PCDHGA2: variants seen among roughly 807,000 people sequenced by gnomAD.
The protein encoded by PCDHGA2 is protocadherin gamma-A2.
PCDHGA2 carries 40 observed loss-of-function variants against 59.2 expected under a neutral mutation model. The ratio of observed to expected loss-of-function variants is 0.68; its 90% CI spans 0.52 to 0.88. The LOEUF (loss-of-function observed/expected upper bound fraction) is 0.88. Among genes scored for constraint, PCDHGA2 ranks in the 40% least tolerant of loss-of-function variants. PCDHGA2 has a pLI of 0.00. For missense variants in PCDHGA2, 1,226 were observed against 1,204.0 expected (o/e 1.02, Z -0.27); for synonymous variants, 560 against 526.0 (o/e 1.06, Z -0.89).
rs1389354782 is a variant in PCDHGA2, at chr5:141,341,025, A to G, written c.2054A>G (p.Asn685Ser). The G allele has an allele frequency of 2.2e-5, 36 of 1,613,234 alleles. No homozygotes were observed. The highest frequency in any genetic ancestry group is 3.0e-5 in the Non-Finnish European group (35 of 1,179,824). ...AGCCTCGAGCCCTCCGCCATACCCA[A>G]CGATTCGGACCTCACTCTGTACCTG... ...LGSLEPSAIP[N>S]DSDLTLYLVV... The change falls in exon 1 of 4, where the codon AAC becomes AGC. Residue 685 changes from asparagine (N) to serine (S), a missense_variant. By Grantham distance (46) the Asn-to-Ser change is conservative. Coordinates refer to ENST00000394576, the MANE Select transcript of PCDHGA2 (RefSeq NM_018915.4).
In PCDHGA2 at chr5:141,506,176, C is replaced by T. The variant is rs183157987; in HGVS notation, c.2572+695C>T. ...CCTTAAGAGCACAGCCTAAGCTGGG[C>T]GTGGTGGCTCACGCCTGTAATCCCA... is the stretch of plus-strand genomic sequence containing the variant. On this transcript the variant is annotated intron_variant, in intron 3 of 3. Coordinates refer to ENST00000394576, the MANE Select transcript of PCDHGA2 (RefSeq NM_018915.4). Among the ~76,000 whole-genome samples the T allele has an allele frequency of 3.0e-3, 454 of 152,234 alleles. 1 individual carries two copies. The highest frequency in any genetic ancestry group is 0.021 in the Admixed American group (317 of 15,296).
At chr5:141,478,766 T>C in intron 1 of PCDHGA2, 2 of 1,505,456 alleles carry the variant, frequency 1.3e-6, no homozygotes, top group Non-Finnish European at 1.8e-6. Flanking sequence ...GATACTTGAC[T>C]CATCTGTGGA....
rs200519543 is a variant in PCDHGA2, at chr5:141,439,190, C to CAA, written c.2425-55603_2425-55602dup. 3.7e-3 allele frequency among the ~76,000 whole-genome samples: 409 copies of CAA among 111,790 alleles called. 4 individuals are homozygous for CAA. The highest frequency in any genetic ancestry group is 0.029 in the East Asian group (112 of 3,852). The allele number at this position is 111,790 out of a possible 152,430, so 73.3% of individuals were successfully genotyped here. A position where few individuals can be genotyped will look rare whatever the true frequency, so the allele number is the denominator to read the frequency against. On this transcript the variant is annotated intron_variant, in intron 1 of 3. Transcript: ENST00000394576. Reference sequence around the variant, plus strand: ...CCTGGGCGACATAGTGAGACTCTGACAAAAAAAAAAAAAAATCCATATGTG... The same window carrying CAA: ...CCTGGGCGACATAGTGAGACTCTGACAAAAAAAAAAAAAAAAATCCATATGTG...
chr5:141,383,433 C>T, intron 1 of PCDHGA2: 1 of 1,613,986 alleles, frequency 6.2e-7, no homozygotes, highest in East Asian at 2.2e-5. Context: ...ATCGCCACTT[C>T]TCCCTGGCTG....
At chr5:141,398,284 G>A (rs1462851627) in intron 1 of PCDHGA2, 1 of 1,400,106 alleles carries the variant, frequency 7.1e-7, no homozygotes, top group Non-Finnish European at 9.8e-7. Flanking sequence ...CCTCGCCACG[G>A]ACCTGGGGTT....
chr5:141,360,008 C>G, intron 1 of PCDHGA2: 1 of 1,210,692 alleles, frequency 8.3e-7, no homozygotes, highest in Non-Finnish European at 1.1e-6. Context: ...ACAAACCAAC[C>G]ACACAGAGAA....
chr5:141,492,579 G>T (rs547852117), intron 1 of PCDHGA2, among the ~76,000 whole-genome samples: 2 of 152,356 alleles, frequency 1.3e-5, no homozygotes, highest in East Asian at 1.9e-4. Context: ...GAGGCGCGGG[G>T]CCAGGAGCGC....
At chr5:141,379,256 A>C (rs896314996) in intron 1 of PCDHGA2, 1 of 152,234 alleles carries the variant, frequency 6.6e-6, no homozygotes, top group Non-Finnish European at 1.5e-5. Flanking sequence ...ATTTACATTT[A>C]AGGAATTGTT....
intron 1 of PCDHGA2, chr5:141,397,927 G>C: frequency 1.3e-6 from 1 of 764,054 alleles, no homozygotes. Flanking sequence ...TCCTCGCGCA[G>C]CCGCAGCGCG....
chr5:141,389,281 G>A (rs768749414), intron 1 of PCDHGA2: 3 of 1,614,012 alleles, frequency 1.9e-6, no homozygotes, highest in South Asian at 2.2e-5. Context: ...AACCCGCCTG[G>A]AGCCTCTATT....
chr5:141,375,962 C>T (rs763635174), intron 1 of PCDHGA2: 3 of 1,613,226 alleles, frequency 1.9e-6, no homozygotes, highest in African/African-American at 2.7e-5. Flanking sequence ...GGGCGAGGTG[C>T]GCACGGCGCG....
At chr5:141,395,131 C>G in intron 1 of PCDHGA2, 1 of 1,614,202 alleles carries the variant, frequency 6.2e-7, no homozygotes, top group Non-Finnish European at 8.5e-7. Flanking sequence ...TTTCCCCAGC[C>G]CAACTACGCA....
chr5:141,422,165 A>G (rs771382434), intron 1 of PCDHGA2: 3 of 1,569,306 alleles, frequency 1.9e-6, no homozygotes, highest in Admixed American at 4.0e-5. Flanking sequence ...TTTGAAAAAT[A>G]TAGATTCTAT....
At position 141,430,830 on chromosome 5, in the gene PCDHGA2, G is replaced by A. The variant is rs754181300; in HGVS notation, c.2425-63977G>A. The stretch of plus-strand genomic sequence containing the variant: ...CTGGGAATCCTCCTGGGGACTCTGT[G>A]GGAGACCGGATGCACCCAGATACGC... On this transcript the variant is annotated intron_variant, in intron 1 of 3. Coordinates refer to ENST00000394576, the MANE Select transcript of PCDHGA2 (RefSeq NM_018915.4). 8 of 1,554,850 alleles carry A rather than the reference G, an allele frequency of 5.1e-6. No homozygotes were observed. The East Asian group carries it at 1.6e-4, about 31-fold the overall frequency.
chr5:141,393,543 C>T lies in PCDHGA2; in HGVS notation c.2424+52148C>T, dbSNP rs763455922. On this transcript the variant is annotated intron_variant, in intron 1 of 3. Coordinates refer to ENST00000394576, the MANE Select transcript of PCDHGA2 (RefSeq NM_018915.4). ...AAATGACAATGCCCCGGTTTTTCCT[C>T]ACCCGATTTACCGAGTGAAAGTCCT... is the stretch of plus-strand genomic sequence containing the variant. 7 of 1,613,870 alleles carry T rather than the reference C, an allele frequency of 4.3e-6. No individual in the cohort carries two copies. In the Admixed American group the frequency reaches 8.3e-5, roughly 19 times the overall value.
At chr5:141,494,522 G>C (rs2099754911) in intron 1 of PCDHGA2, among the ~76,000 whole-genome samples, 1 of 152,196 alleles carries the variant, frequency 6.6e-6, no homozygotes, top group Non-Finnish European at 1.5e-5. Flanking sequence ...CAGGAGTTCT[G>C]ACTCTGGGGG....
chr5:141,355,764 G>A (rs1236728620), intron 1 of PCDHGA2: 2 of 1,613,850 alleles, frequency 1.2e-6, no homozygotes, highest in Admixed American at 1.7e-5. Flanking sequence ...GGGCCGATGG[G>A]ATTAAGTACC....
chr5:141,361,562 C>T, intron 1 of PCDHGA2: 3 of 1,614,074 alleles, frequency 1.9e-6, no homozygotes, highest in Non-Finnish European at 2.5e-6. Flanking sequence ...CAAATCAGTG[C>T]CTCTGACCCT....
At position 141,493,202 on chromosome 5, in the gene PCDHGA2, A is replaced by G. The variant is rs1246390819; in HGVS notation, c.2425-1605A>G. Among the ~76,000 whole-genome samples, 1 of 152,196 alleles carries G rather than the reference A, an allele frequency of 6.6e-6. No individual in the cohort carries two copies. ...ACTATATAACTCCTTTGAGAACCTC[A>G]TCTCATTTGCTCTTCCCACCATTGC... On this transcript the variant is annotated intron_variant, in intron 1 of 3. Transcript: ENST00000394576. The surrounding 1 kb of genome is among the most constrained non-coding windows in gnomAD (Gnocchi z 4.3).
Sources: gnomAD v4.1 joint callset for allele counts (sites outside exome capture counted in the v4.1 genomes callset) on GRCh38, gnomAD v4.1.1 for gene constraint, Gnocchi (gnomAD v3.1) non-coding constraint, MANE v1.5 for transcripts, NCBI Gene and HGNC (gene_info 2026-07-23, HGNC 2026-07-21) for gene names.